VPS37A: variants seen among roughly 807,000 people sequenced by gnomAD.
VPS37A encodes the protein vacuolar protein sorting-associated protein 37A.
Under a neutral mutation model 49.8 loss-of-function variants are expected in VPS37A, and 30 were observed. The ratio of observed to expected loss-of-function variants is 0.60; its 90% CI spans 0.45 to 0.82. VPS37A has a LOEUF of 0.82. VPS37A is among the 40% of genes least tolerant of loss of function. The probability of loss-of-function intolerance (pLI) is 0.00; values close to 1 mark genes in which losing one functional copy is unlikely to be tolerated. For synonymous variants in VPS37A, 195 were observed against 160.6 expected (o/e 1.21, Z -1.62); for missense variants, 593 against 464.4 (o/e 1.28, Z -2.55).
intron 1 of VPS37A, 187 bp from the exon 2 acceptor site, chr8:17,265,720 G>T (rs2150371578): frequency 6.8e-7 from 1 of 1,469,318 alleles, no homozygotes; most frequent in East Asian, 2.6e-5. Flanking sequence ...ATGTTACTGT[G>T]TGCTTAGATG....
the VPS37A span, chr8:17,313,415 C>G: frequency 6.4e-7 from 1 of 1,573,146 alleles, no homozygotes; most frequent in South Asian, 1.1e-5. Context: ...CAAGATAAAT[C>G]ATGTTATAAA....
chr8:17,325,857 C>T, the VPS37A span, among the ~76,000 whole-genome samples: 1 of 152,190 alleles, frequency 6.6e-6, no homozygotes, highest in African/African-American at 2.4e-5. Context: ...AAATACTTGC[C>T]TGGCTGACTG....
At chr8:17,309,888 C>G in the VPS37A span, among the ~76,000 whole-genome samples, 3 of 152,166 alleles carry the variant, frequency 2.0e-5, no homozygotes, top group African/African-American at 7.2e-5. Flanking sequence ...GGGGTATATT[C>G]AAAGCTTCAG....
At chr8:17,255,962 A>C (rs1389607968) in intron 1 of VPS37A, among the ~76,000 whole-genome samples, 7 of 152,230 alleles carry the variant, frequency 4.6e-5, no homozygotes, top group African/African-American at 1.7e-4. Context: ...AATTTATTAC[A>C]TATTTTGGCT....
intron 5 of VPS37A, among the ~76,000 whole-genome samples, chr8:17,275,514 T>A (rs897299041): frequency 2.6e-5 from 4 of 152,104 alleles, no homozygotes; most frequent in African/African-American, 9.7e-5. Context: ...GGCTGCCATA[T>A]AGGGTGTGGG....
At chr8:17,304,854 G>T (rs555647446), downstream of VPS37A, among the ~76,000 whole-genome samples, 2 of 151,594 alleles carry the variant, frequency 1.3e-5, no homozygotes, top group South Asian at 2.1e-4. Context: ...AATGTTCCAC[G>T]TTTTCTCTCA....
intron 11 of VPS37A, among the ~76,000 whole-genome samples, chr8:17,287,679 A>G (rs1444694619): frequency 6.7e-6 from 1 of 149,944 alleles, no homozygotes; most frequent in Non-Finnish European, 1.5e-5. Flanking sequence ...CTCTGTCTCA[A>G]AAAAAAAAAA....
At chr8:17,259,341 G>A (rs1307251631) in intron 1 of VPS37A, among the ~76,000 whole-genome samples, 1 of 152,016 alleles carries the variant, frequency 6.6e-6, no homozygotes, top group Non-Finnish European at 1.5e-5. Flanking sequence ...CCCATTGGCT[G>A]TTCAGTAGCA....
chr8:17,253,386 T>G (rs1043077699), intron 1 of VPS37A, among the ~76,000 whole-genome samples: 1 of 152,216 alleles, frequency 6.6e-6, no homozygotes, highest in Non-Finnish European at 1.5e-5. Context: ...AATTTGACCA[T>G]GTCACTCCTT....
the VPS37A span, among the ~76,000 whole-genome samples, chr8:17,310,187 G>A: frequency 6.6e-6 from 1 of 151,788 alleles, no homozygotes; most frequent in African/African-American, 2.4e-5. Flanking sequence ...TTTTTATAGA[G>A]ACGAGGTCTC....
downstream of VPS37A, chr8:17,305,815 A>C (rs1817412802): frequency 6.2e-7 from 1 of 1,613,582 alleles, no homozygotes. Context: ...TGGCAGGAAT[A>C]AATGTGATGT....
chr8:17,289,650 T>G (rs1815954745), intron 11 of VPS37A, among the ~76,000 whole-genome samples: 1 of 152,208 alleles, frequency 6.6e-6, no homozygotes, highest in Admixed American at 6.5e-5. Context: ...TGCCGCCAGC[T>G]TTGTTCTTTT....
chr8:17,329,871 C>A, the VPS37A span, among the ~76,000 whole-genome samples: 3 of 152,276 alleles, frequency 2.0e-5, no homozygotes, highest in South Asian at 2.1e-4. Context: ...GGTATTGTCA[C>A]TGTGACCTGA....
chr8:17,311,657 A>C, the VPS37A span: 1 of 1,613,838 alleles, frequency 6.2e-7, no homozygotes, highest in African/African-American at 1.3e-5. Context: ...CACGATCCGC[A>C]AAGAGTCACA....
chr8:17,314,434 A>C, the VPS37A span, among the ~76,000 whole-genome samples: 1 of 152,198 alleles, frequency 6.6e-6, no homozygotes, highest in South Asian at 2.1e-4. Context: ...TAAAATGGGG[A>C]AGGTGTATAA....
rs1050857646 is a variant in VPS37A at position 17,274,652 on chromosome 8, G to C, written c.417-81G>C. Reference sequence around the variant, plus strand: ...TTCATCTATATAGTACTTGACCTTTGTTATTTAGAACAATTTAGAAACAAT... The same window carrying C: ...TTCATCTATATAGTACTTGACCTTTCTTATTTAGAACAATTTAGAAACAAT... On this transcript the variant is annotated intron_variant, in intron 4 of 11. Transcript: ENST00000324849. 8.7e-6 allele frequency: 10 copies of C among 1,150,940 alleles called. No individual in the cohort carries two copies. In the Admixed American group the frequency reaches 1.1e-4, roughly 13 times the overall value. The allele number at this position is 1,150,940 out of a possible 1,614,324, so 71.3% of individuals were successfully genotyped here.
At chr8:17,291,930 G>A (rs1362586966) in intron 11 of VPS37A, among the ~76,000 whole-genome samples, 1 of 152,192 alleles carries the variant, frequency 6.6e-6, no homozygotes, top group African/African-American at 2.4e-5. Context: ...ATGTGGTGCT[G>A]AGAAGAAGGT....
chr8:17,290,541 G>T (rs547826256), intron 11 of VPS37A, among the ~76,000 whole-genome samples: 1 of 152,314 alleles, frequency 6.6e-6, no homozygotes, highest in East Asian at 1.9e-4. Context: ...CTTGATCGTG[G>T]TGGATAAGCT....
the VPS37A span, among the ~76,000 whole-genome samples, chr8:17,315,523 G>T: frequency 1.3e-5 from 2 of 152,164 alleles, no homozygotes; most frequent in African/African-American, 4.8e-5. Flanking sequence ...GTACCACTCC[G>T]TCGGGGATGT....
Sources: allele counts gnomAD v4.1 joint callset (sites outside exome capture counted in the v4.1 genomes callset), GRCh38; gene constraint gnomAD v4.1.1; transcripts MANE v1.5; gene names NCBI Gene and HGNC (gene_info 2026-07-23, HGNC 2026-07-21).